UNK: variants seen among roughly 807,000 people sequenced by gnomAD.
UNK encodes RING finger protein unkempt homolog.
In UNK, 32 loss-of-function variants were observed where a neutral mutation model predicts 97.6. That is an observed-to-expected ratio of 0.33 (90% CI 0.25 to 0.44). The LOEUF is 0.44. Ranked by LOEUF, UNK falls within the 20% of genes least tolerant of loss-of-function variation. The pLI, the probability that UNK is intolerant of heterozygous loss-of-function variation, is 1.00. For missense variants in UNK, 771 were observed against 1,098.4 expected, an observed-to-expected ratio of 0.70 and a Z score of 4.21; for synonymous variants, 441 against 461.2, an observed-to-expected ratio of 0.96 and a Z score of 0.56.
chr17:75,804,935 T>G lies in UNK; in HGVS notation c.105-4825T>G, dbSNP rs573312020. On this transcript the variant is annotated intron_variant, in intron 1 of 15. Transcript: ENST00000589666. Reference sequence around the variant, plus strand: ...TTGGCCGGGTGCAGTGGCTCACGCCTGTAATCCCAGCACTTTGGGAGGCTA... The same window carrying G: ...TTGGCCGGGTGCAGTGGCTCACGCCGGTAATCCCAGCACTTTGGGAGGCTA... Among the ~76,000 whole-genome samples, 305 of 152,246 alleles carry G rather than the reference T, an allele frequency of 2.0e-3. 1 individual carries two copies. Among genetic ancestry groups the G allele is most frequent in the African/African-American group, 6.7e-3 (278 of 41,546 alleles).
Position 75,816,927 on chromosome 17 carries a change from TG to T in UNK, c.1104+19del. 6.3e-7 allele frequency: 1 copy of T among 1,594,590 alleles called. No individual in the cohort carries two copies. ...ACCTCAGTGCCGTACGTGTCCATCCTGGGGAGTGGGTGGGCACCATGCCTGA... is the reference window on the plus strand; with the variant it reads ...ACCTCAGTGCCGTACGTGTCCATCCTGGGAGTGGGTGGGCACCATGCCTGA... On this transcript the variant is annotated intron_variant, in intron 8 of 15. Coordinates refer to ENST00000589666, the MANE Select transcript of UNK (RefSeq NM_001080419.3). The surrounding 1 kb of genome is among the most constrained non-coding windows in gnomAD (Gnocchi z 4.0).
intron 5 of UNK, among the ~76,000 whole-genome samples, 175 bp downstream of exon 5, chr17:75,813,388 C>T (rs1481467753): frequency 6.6e-6 from 1 of 152,166 alleles, no homozygotes; most frequent in Admixed American, 6.5e-5. Context: ...AGTAGGAGCC[C>T]AGCTTCACCT....
Position 75,824,428 on chromosome 17 carries a change from C to A in UNK, c.*11C>A, listed in dbSNP as rs747584624. 5 of 1,455,730 alleles carry A rather than the reference C, an allele frequency of 3.4e-6. No individual in the cohort carries two copies. In the East Asian group the frequency reaches 1.1e-4, roughly 32 times the overall value. The allele number at this position is 1,455,730 out of a possible 1,614,324, so 90.2% of individuals were successfully genotyped here. A position where few individuals can be genotyped will look rare whatever the true frequency, so the allele number is the denominator to read the frequency against. On this transcript the variant is annotated 3_prime_UTR_variant, in exon 16 of 16. Coordinates refer to ENST00000589666, the MANE Select transcript of UNK (RefSeq NM_001080419.3). This position sits in a 1 kb window ranked among gnomAD's most constrained non-coding sequence, Gnocchi z 4.9. ...ACCCTCCAGTCGTGACCCTGCAGGC[C>A]TGGCCCAGCCTGGCCCAGATCTTCT... is the stretch of plus-strand genomic sequence containing the variant.
chr17:75,797,403 T>G (rs2061815887), intron 1 of UNK, among the ~76,000 whole-genome samples: 1 of 152,128 alleles, frequency 6.6e-6, no homozygotes, highest in Admixed American at 6.5e-5. Context: ...CCCAGGTAAT[T>G]TTTGTATTTT....
Position 75,817,056 on chromosome 17 carries a change from T to C in UNK, c.1104+144T>C, listed in dbSNP as rs1305386231. 28 of 1,348,878 alleles carry C rather than the reference T, an allele frequency of 2.1e-5. No homozygotes were observed. The highest frequency in any genetic ancestry group is 4.6e-4 in the Middle Eastern group (2 of 4,340). 83.6% of individuals were successfully genotyped at this position (1,348,878 alleles called of 1,614,324 possible). On this transcript the variant is annotated intron_variant, in intron 8 of 15. Transcript: ENST00000589666. This position sits in a 1 kb window ranked among gnomAD's most constrained non-coding sequence, Gnocchi z 5.8. ...GGATCTGTCTTTTCCATCTCAGCATTCTTCGTCAAAAGTCCAGGCCCGGGG... is the reference window on the plus strand; with the variant it reads ...GGATCTGTCTTTTCCATCTCAGCATCCTTCGTCAAAAGTCCAGGCCCGGGG...
Position 75,816,749 on chromosome 17 carries a change from C to A in UNK, c.962-21C>A. ...ACAGAGCTGGCTGGGGCCTGCTGAC[C>A]CCTGCCCCTGACTCTTGCAGAGCCA... On this transcript the variant is annotated intron_variant, in intron 7 of 15. Transcript: ENST00000589666. The surrounding 1 kb of genome is among the most constrained non-coding windows in gnomAD (Gnocchi z 4.0). 6.3e-7 allele frequency: 1 copy of A among 1,589,786 alleles called. No individual in the cohort carries two copies. Among genetic ancestry groups the A allele is most frequent in the Non-Finnish European group, 8.5e-7 (1 of 1,172,806 alleles).
At chr17:75,797,190 A>G (rs1281334688) in intron 1 of UNK, among the ~76,000 whole-genome samples, 16 of 152,194 alleles carry the variant, frequency 1.1e-4, no homozygotes, top group Non-Finnish European at 1.5e-5. Context: ...CTTGCTTTTT[A>G]AAAAGATCCT....
rs778668908 is a variant in UNK at position 75,818,084 on chromosome 17, C to T, written c.1306-19C>T. The stretch of plus-strand genomic sequence containing the variant: ...CCCCCAGCACCACATTCATCCACTC[C>T]CTGAATTTTCTCTCTCAGGCCAAAT... On this transcript the variant is annotated intron_variant, in intron 9 of 15. Transcript: ENST00000589666. This position sits in a 1 kb window ranked among gnomAD's most constrained non-coding sequence, Gnocchi z 5.1. 5 of 1,612,708 alleles carry T rather than the reference C, an allele frequency of 3.1e-6. No individual in the cohort carries two copies. In the East Asian group the frequency reaches 1.1e-4, roughly 36 times the overall value.
chr17:75,802,839 AAAG>A (rs2061873574), intron 1 of UNK, among the ~76,000 whole-genome samples: 1 of 152,252 alleles, frequency 6.6e-6, no homozygotes, highest in Non-Finnish European at 1.5e-5. Flanking sequence ...GTCAATTAAA[AAAG>A]AAGGCCGGGC....
intron 1 of UNK, among the ~76,000 whole-genome samples, chr17:75,789,927 G>A (rs548588950): frequency 6.6e-6 from 1 of 152,120 alleles, no homozygotes; most frequent in South Asian, 2.1e-4. Context: ...CGGATCATGA[G>A]GTCAGGAGTT....
intron 1 of UNK, among the ~76,000 whole-genome samples, chr17:75,804,458 A>C (rs2061891875): frequency 6.6e-6 from 1 of 152,042 alleles, no homozygotes; most frequent in Admixed American, 6.6e-5. Context: ...CCATCTAAAA[A>C]ATAAAAATAA....
rs2062032661 is a variant in UNK, at chr17:75,818,036, C to T, written c.1306-67C>T. The T allele has an allele frequency of 6.5e-7, 1 of 1,541,460 alleles. No individual in the cohort carries two copies. The highest frequency in any genetic ancestry group is 1.7e-5 in the Admixed American group (1 of 59,214). On this transcript the variant is annotated intron_variant, in intron 9 of 15. Transcript: ENST00000589666. The surrounding 1 kb of genome is among the most constrained non-coding windows in gnomAD (Gnocchi z 5.1). The stretch of plus-strand genomic sequence containing the variant: ...ACCTGCCCCCTGGTACCTGCAGCCT[C>T]AGGGTCAGATGGACTCAGGGACCCC...
At chr17:75,811,391 A>G (rs1001913824) in intron 2 of UNK, among the ~76,000 whole-genome samples, 4 of 152,194 alleles carry the variant, frequency 2.6e-5, no homozygotes, top group African/African-American at 9.6e-5. Context: ...GATGTGAGCT[A>G]CTGGCCCAGC....
At chr17:75,821,317 C>G (rs1460792078) in intron 13 of UNK, 1 of 452,078 alleles carries the variant, frequency 2.2e-6, no homozygotes, top group Non-Finnish European at 4.5e-6. Context: ...GTAAGTGCAA[C>G]AGTCCCTGCT....
chr17:75,807,815 C>T (rs2061932832), intron 1 of UNK, among the ~76,000 whole-genome samples: 1 of 151,494 alleles, frequency 6.6e-6, no homozygotes, highest in East Asian at 1.9e-4. Flanking sequence ...TCTTGAACTC[C>T]AGACCTCAGG....
intron 1 of UNK, chr17:75,793,840 C>A (rs2061782797): frequency 7.1e-6 from 7 of 985,314 alleles, no homozygotes; most frequent in Non-Finnish European, 8.4e-6. Context: ...TCTACCCCCA[C>A]ATAAGAGAAG....
chr17:75,804,558 C>G (rs1481052483), intron 1 of UNK, among the ~76,000 whole-genome samples: 3 of 151,528 alleles, frequency 2.0e-5, no homozygotes, highest in African/African-American at 7.3e-5. Flanking sequence ...AGAATTCTGG[C>G]CAGGCATGGT....
intron 1 of UNK, among the ~76,000 whole-genome samples, chr17:75,802,609 G>T (rs1045575220): frequency 6.6e-6 from 1 of 152,072 alleles, no homozygotes; most frequent in African/African-American, 2.4e-5. Flanking sequence ...CTACATTTTT[G>T]TAGTTTCAGT....
chr17:75,797,404 T>G (rs916118216), intron 1 of UNK, among the ~76,000 whole-genome samples: 1 of 152,146 alleles, frequency 6.6e-6, no homozygotes, highest in African/African-American at 2.4e-5. Flanking sequence ...CCAGGTAATT[T>G]TTGTATTTTT....
Sources: gnomAD v4.1 joint callset for allele counts (sites outside exome capture counted in the v4.1 genomes callset) on GRCh38, gnomAD v4.1.1 for gene constraint, Gnocchi (gnomAD v3.1) non-coding constraint, MANE v1.5 for transcripts, NCBI Gene and HGNC (gene_info 2026-07-23, HGNC 2026-07-21) for gene names.